Variants in SDK1 observed in about 807,000 individuals in gnomAD.
SDK1 encodes protein sidekick-1.
SDK1 carries 157 observed loss-of-function variants against 245.5 expected under a neutral mutation model. The observed-to-expected ratio is 0.64, with a 90% CI of 0.56 to 0.73. SDK1 has a LOEUF of 0.73. Among genes scored for constraint, SDK1 ranks in the 30% least tolerant of loss-of-function variants. The probability of loss-of-function intolerance (pLI) is 0.00; values close to 1 mark genes in which losing one functional copy is unlikely to be tolerated. For missense variants in SDK1, 3,583 were observed against 3,002.3 expected, an observed-to-expected ratio of 1.19 and a Z score of -4.52; for synonymous variants, 1,647 against 1,278.5, an observed-to-expected ratio of 1.29 and a Z score of -6.15.
chr7:3,357,052 CG>C (rs1780817561), intron 1 of SDK1, among the ~76,000 whole-genome samples: 2 of 63,708 alleles, frequency 3.1e-5, no homozygotes, highest in African/African-American at 8.7e-5. Context: ...GAGACTCTCT[CG>C]AAAAAAAAAA....
chr7:3,969,011 C>G (rs1057146356), intron 10 of SDK1, among the ~76,000 whole-genome samples: 1 of 152,116 alleles, frequency 6.6e-6, no homozygotes, highest in Non-Finnish European at 1.5e-5. Flanking sequence ...AAGTGCCAAA[C>G]AGTTTTAAAC....
At chr7:4,079,920 G>A (rs1020860221) in intron 22 of SDK1, among the ~76,000 whole-genome samples, 5 of 152,206 alleles carry the variant, frequency 3.3e-5, no homozygotes, top group African/African-American at 1.2e-4. Flanking sequence ...TATACTAATA[G>A]GATTAATTGC....
chr7:3,355,879 A>C (rs531587499), intron 1 of SDK1, among the ~76,000 whole-genome samples: 1 of 152,180 alleles, frequency 6.6e-6, no homozygotes, highest in African/African-American at 2.4e-5. Flanking sequence ...TTCCCTCTAG[A>C]GTGAACTTGA....
At chr7:3,326,917 T>C (rs774341411) in intron 1 of SDK1, among the ~76,000 whole-genome samples, 1 of 152,030 alleles carries the variant, frequency 6.6e-6, no homozygotes, top group Non-Finnish European at 1.5e-5. Flanking sequence ...ATATACTTAC[T>C]GGGTACAAAG....
intron 4 of SDK1, among the ~76,000 whole-genome samples, chr7:3,656,364 A>G (rs141466280): frequency 1.3e-5 from 2 of 152,126 alleles, no homozygotes; most frequent in African/African-American, 2.4e-5. Context: ...TTTCTGGACT[A>G]TTAGTGTCAG....
At chr7:3,851,793 C>T (rs370854321) in intron 5 of SDK1, among the ~76,000 whole-genome samples, 2 of 151,976 alleles carry the variant, frequency 1.3e-5, no homozygotes, top group African/African-American at 2.4e-5. Flanking sequence ...TGAAGCTAAG[C>T]GGCTAAATAG....
At chr7:3,347,030 C>T (rs1049270497) in intron 1 of SDK1, among the ~76,000 whole-genome samples, 1 of 151,154 alleles carries the variant, frequency 6.6e-6, no homozygotes, top group Non-Finnish European at 1.5e-5. Context: ...AGTTTCACTT[C>T]ATACACCAAA....
intron 16 of SDK1, among the ~76,000 whole-genome samples, chr7:4,015,583 C>T (rs553112645): frequency 7.2e-5 from 11 of 152,316 alleles, no homozygotes; most frequent in African/African-American, 2.4e-4. Flanking sequence ...CATGCTACGT[C>T]GGTGATCTGA....
At chr7:4,104,957 A>G (rs1248325911) in intron 22 of SDK1, among the ~76,000 whole-genome samples, 3 of 151,674 alleles carry the variant, frequency 2.0e-5, no homozygotes, top group South Asian at 2.1e-4. Flanking sequence ...TCCTCCTGCC[A>G]TGTCTCCCAG....
intron 4 of SDK1, among the ~76,000 whole-genome samples, chr7:3,786,961 A>C (rs766276078): frequency 7.9e-5 from 12 of 152,116 alleles, no homozygotes; most frequent in Non-Finnish European, 1.8e-4. Context: ...CAAATAGAAG[A>C]AATAGAGTAT....
intron 4 of SDK1, among the ~76,000 whole-genome samples, chr7:3,744,244 C>A (rs182596578): frequency 1.3e-5 from 2 of 152,076 alleles, no homozygotes; most frequent in Non-Finnish European, 2.9e-5. Context: ...CCCCTCCCCC[C>A]ATCTCTCCAA....
chr7:3,852,728 G>A (rs1387209545), intron 5 of SDK1, among the ~76,000 whole-genome samples: 1 of 121,086 alleles, frequency 8.3e-6, no homozygotes, highest in Non-Finnish European at 1.6e-5. Flanking sequence ...TCCAGCCTGG[G>A]AGACAGAGCA....
chr7:3,840,406 G>C (rs1196218527), intron 5 of SDK1, among the ~76,000 whole-genome samples: 2 of 152,140 alleles, frequency 1.3e-5, no homozygotes, highest in Non-Finnish European at 1.5e-5. Flanking sequence ...CCTGGGCTGG[G>C]TCAGGACTTT....
At chr7:4,145,993 G>C (rs7777357) in intron 29 of SDK1, 77 bp downstream of exon 29, 1 of 1,318,982 alleles carries the variant, frequency 7.6e-7, no homozygotes, top group East Asian at 2.4e-5. Flanking sequence ...TGGGGTCTGC[G>C]GGGTACCTGG....
intron 4 of SDK1, among the ~76,000 whole-genome samples, chr7:3,803,443 TG>T (rs750914315): frequency 3.3e-5 from 5 of 151,912 alleles, no homozygotes; most frequent in Non-Finnish European, 7.4e-5. Context: ...CCTGAGTAGC[TG>T]GAACTACAAG....
chr7:3,670,540 T>C (rs894823721), intron 4 of SDK1, among the ~76,000 whole-genome samples: 1 of 152,246 alleles, frequency 6.6e-6, no homozygotes, highest in African/African-American at 2.4e-5. Context: ...TCTCAGCTTC[T>C]TAGGGGATTT....
At chr7:3,666,009 C>T (rs961615434) in intron 4 of SDK1, among the ~76,000 whole-genome samples, 1 of 152,100 alleles carries the variant, frequency 6.6e-6, no homozygotes, top group Non-Finnish European at 1.5e-5. Context: ...ACTCTTTCTT[C>T]CTGCCACCAC....
intron 4 of SDK1, among the ~76,000 whole-genome samples, chr7:3,699,101 C>T (rs1053943335): frequency 2.0e-5 from 3 of 152,130 alleles, no homozygotes; most frequent in Non-Finnish European, 2.9e-5. Context: ...AAATGAAGGG[C>T]GGCACTTCTC....
intron 9 of SDK1, 36 bp from the exon 10 acceptor site, chr7:3,967,282 C>G (rs1359853200): frequency 6.5e-7 from 1 of 1,528,960 alleles, no homozygotes; most frequent in African/African-American, 1.4e-5. Flanking sequence ...CTCTCAGGAA[C>G]AAGGCCCTGA....
Sources: gnomAD v4.1 joint callset for allele counts (sites outside exome capture counted in the v4.1 genomes callset) on GRCh38, gnomAD v4.1.1 for gene constraint, MANE v1.5 for transcripts, NCBI Gene and HGNC (gene_info 2026-07-23, HGNC 2026-07-21) for gene names.